The following HERC2 variants were observed in gnomAD, a reference collection of about 807,000 sequenced individuals.
HERC2 encodes the protein HECT and RLD domain containing E3 ubiquitin protein ligase 2.
HERC2 carries 102 observed loss-of-function variants against 537.7 expected under a neutral mutation model. The ratio of observed to expected loss-of-function variants is 0.19; its 90% confidence interval spans 0.16 to 0.22. The LOEUF (loss-of-function observed/expected upper bound fraction) is 0.22, where lower values mean the gene tolerates loss of function less well. Ranked by LOEUF, HERC2 falls within the 10% of genes least tolerant of loss-of-function variation. The pLI is 1.00. For missense variants in HERC2, 4,236 were observed against 6,198.2 expected (o/e 0.68, Z 10.63); for synonymous variants, 2,224 against 2,466.2 (o/e 0.90, Z 2.91).
At chr15:28,164,155 G>GAGTC (rs1253299916) in intron 68 of HERC2, among the ~76,000 whole-genome samples, 1 of 152,220 alleles carries the variant, frequency 6.6e-6, no homozygotes. Context: ...TCCCCAGGCA[G>GAGTC]AGTCTGGCTC....
At chr15:28,288,970 C>T (rs2076237267) in intron 4 of HERC2, among the ~76,000 whole-genome samples, 1 of 151,592 alleles carries the variant, frequency 6.6e-6, no homozygotes, top group Non-Finnish European at 1.5e-5. Flanking sequence ...TTCACTTGGA[C>T]ATGACACAGC....
chr15:28,118,612 T>C (rs1238738272), intron 86 of HERC2, among the ~76,000 whole-genome samples: 1 of 152,206 alleles, frequency 6.6e-6, no homozygotes, highest in African/African-American at 2.4e-5. Flanking sequence ...TTCTGGAGTC[T>C]CTGAAACTAT....
At position 28,141,419 on chromosome 15, in the gene HERC2, A is replaced by G. The variant is rs748642709; in HGVS notation, c.12015+13T>C. 1.9e-6 allele frequency: 3 copies of G among 1,613,408 alleles called. No individual in the cohort carries two copies. The highest frequency in any genetic ancestry group is 2.5e-6 in the Non-Finnish European group (3 of 1,179,374). On this transcript the variant is annotated intron_variant, in intron 78 of 92. Coordinates refer to ENST00000261609, the MANE Select transcript of HERC2 (RefSeq NM_004667.6). ...GGCTCAATGACCTTGTGACATAGAA[A>G]AAGAGCTCTTACCTTCCCATCAGCC... is the stretch of plus-strand genomic sequence containing the variant.
intron 52 of HERC2, 96 bp downstream of exon 52, chr15:28,196,119 A>T: frequency 8.2e-7 from 1 of 1,225,322 alleles, no homozygotes; most frequent in Non-Finnish European, 1.2e-6. Flanking sequence ...CTGTATACAT[A>T]GGAACCTTAA....
intron 56 of HERC2, among the ~76,000 whole-genome samples, chr15:28,183,083 G>A (rs1002709932): frequency 7.9e-5 from 12 of 152,146 alleles, no homozygotes; most frequent in Non-Finnish European, 1.8e-4. Context: ...CCAGGACACC[G>A]GCCAGAGGAA....
At chr15:28,117,943 A>G in intron 86 of HERC2, 1 of 242,622 alleles carries the variant, frequency 4.1e-6, no homozygotes, top group Non-Finnish European at 8.1e-6. Flanking sequence ...AAAAAGAAAA[A>G]TTGAAGAAAA....
At position 28,111,875 on chromosome 15, in the gene HERC2, C is replaced by T. The variant is rs1566901912; in HGVS notation, c.14393G>A (p.Arg4798His). 2.5e-6 allele frequency: 4 copies of T among 1,614,068 alleles called. No individual in the cohort carries two copies. The highest frequency in any genetic ancestry group is 1.3e-5 in the African/African-American group (1 of 74,902). The change falls in exon 93 of 93, where the codon CGC (arginine) becomes CAC (histidine). Residue 4798 changes from arginine (R) to histidine (H), a missense_variant. By Grantham distance (29) the Arg-to-His change is conservative. Transcript: ENST00000261609. ...CKSIDTDDYARIALTGEPAAD... is the reference protein window; with the variant it reads ...CKSIDTDDYAHIALTGEPAAD... ...GGCTGGCTCTCCTGTAAGTGCGATG[C>T]GAGCGTAGTCATCTGTGTCTATGGA... is the stretch of plus-strand genomic sequence containing the variant.
intron 3 of HERC2, among the ~76,000 whole-genome samples, chr15:28,295,734 CAAAAGA>C (rs1029428444): frequency 6.6e-6 from 1 of 152,122 alleles, no homozygotes; most frequent in Non-Finnish European, 1.5e-5. Flanking sequence ...GAAAAATAAT[CAAAAGA>C]AAAACAGTAT....
chr15:28,219,478 G>A (rs896484874), intron 37 of HERC2, among the ~76,000 whole-genome samples: 8 of 152,190 alleles, frequency 5.3e-5, no homozygotes, highest in South Asian at 2.1e-4. Flanking sequence ...CACCACATCC[G>A]CCCTCAGGGA....
intron 85 of HERC2, among the ~76,000 whole-genome samples, chr15:28,123,589 C>T (rs1889154729): frequency 6.6e-6 from 1 of 152,220 alleles, no homozygotes; most frequent in Admixed American, 6.5e-5. Flanking sequence ...CATTCAGGCA[C>T]GGACCTTCGA....
chr15:28,272,430 T>A lies in HERC2; in HGVS notation c.912-44A>T, dbSNP rs754252965. ...TTATTCTAGTAAAAACAGATTAACTTCTTTTCTTCACAGTTGATCAAAAAT... is the reference window on the plus strand; with the variant it reads ...TTATTCTAGTAAAAACAGATTAACTACTTTTCTTCACAGTTGATCAAAAAT... On this transcript the variant is annotated intron_variant, in intron 8 of 92. Coordinates refer to ENST00000261609, the MANE Select transcript of HERC2 (RefSeq NM_004667.6). 21 of 1,530,668 alleles carry A rather than the reference T, an allele frequency of 1.4e-5. No individual in the cohort carries two copies. The South Asian group carries it at 2.5e-4, about 18-fold the overall frequency. 94.8% of individuals were successfully genotyped at this position (1,530,668 alleles called of 1,614,324 possible).
rs1450985622 is a variant in HERC2, at chr15:28,230,460, A to T, written c.4716T>A (p.Ile1572=). The T allele has an allele frequency of 2.1e-6, 3 of 1,401,984 alleles. No homozygotes were observed. The highest frequency in any genetic ancestry group is 3.0e-6 in the Non-Finnish European group (3 of 1,004,416). 86.8% of individuals were successfully genotyped at this position (1,401,984 alleles called of 1,614,324 possible). Residue 1572 remains isoleucine (I), a synonymous_variant, in exon 31 of 93, where the codon ATT becomes ATA. Coordinates refer to ENST00000261609, the MANE Select transcript of HERC2 (RefSeq NM_004667.6). The part of the protein sequence containing the change: ...KPESTDDEEK[I]GNEESDLEEA... Reference sequence around the variant, plus strand: ...CTTCTAAATCACTCTCTTCGTTTCCAATTTTTTCTTCATCATCCGTAGATT... The same window carrying T: ...CTTCTAAATCACTCTCTTCGTTTCCTATTTTTTCTTCATCATCCGTAGATT...
chr15:28,197,834 C>T (rs907823043), intron 50 of HERC2, among the ~76,000 whole-genome samples: 5 of 152,126 alleles, frequency 3.3e-5, no homozygotes, highest in Admixed American at 1.3e-4. Context: ...TTACAGAACA[C>T]GAACATCAGG....
At chr15:28,275,998 C>T (rs1213090355) in intron 5 of HERC2, among the ~76,000 whole-genome samples, 1 of 151,436 alleles carries the variant, frequency 6.6e-6, no homozygotes, top group African/African-American at 2.4e-5. Context: ...ACCAGCCTGG[C>T]CAATATGACG....
intron 23 of HERC2, among the ~76,000 whole-genome samples, chr15:28,242,570 T>C (rs1182024722): frequency 6.6e-6 from 1 of 152,076 alleles, no homozygotes; most frequent in Non-Finnish European, 1.5e-5. Context: ...TTGCAGGGCA[T>C]TACAAGAAAA....
At position 28,245,911 on chromosome 15, in the gene HERC2, G is replaced by C. The variant is rs1903665725; in HGVS notation, c.3547C>G (p.His1183Asp). 6.2e-7 allele frequency: 1 copy of C among 1,614,048 alleles called. No homozygotes were observed. The highest frequency in any genetic ancestry group is 8.5e-7 in the Non-Finnish European group (1 of 1,180,016). ...HLAPGKERDD[H>D]EELAWPGIME... The stretch of plus-strand genomic sequence containing the variant: ...ATGCCAGGCCAGGCTAACTCTTCAT[G>C]ATCATCCCGTTCCTTTCCTGGTGCC... Residue 1183 changes from histidine (H) to aspartate (D), a missense_variant, in exon 23 of 93, where the codon CAT becomes GAT. His to Asp is a moderately conservative substitution (Grantham distance 81). Coordinates refer to ENST00000261609, the MANE Select transcript of HERC2 (RefSeq NM_004667.6).
Position 28,281,091 on chromosome 15 carries a change from T to C in HERC2, c.323-804A>G, listed in dbSNP as rs116613720. Among the ~76,000 whole-genome samples the C allele has an allele frequency of 2.1e-3, 315 of 152,284 alleles. 2 individuals are homozygous for C. Among genetic ancestry groups the C allele is most frequent in the African/African-American group, 7.5e-3 (310 of 41,548 alleles). On this transcript the variant is annotated intron_variant, in intron 4 of 92. Transcript: ENST00000261609. Reference sequence around the variant, plus strand: ...ATGCATGACTCATGAAGCACATTTATGGACATATTTTAGAGGAAGATAAAG... The same window carrying C: ...ATGCATGACTCATGAAGCACATTTACGGACATATTTTAGAGGAAGATAAAG...
intron 44 of HERC2, among the ~76,000 whole-genome samples, chr15:28,208,398 C>T (rs1159278648): frequency 6.6e-6 from 1 of 152,090 alleles, no homozygotes; most frequent in African/African-American, 2.4e-5. Flanking sequence ...CTTCCTTCCA[C>T]CAGAACCTTC....
chr15:28,223,624 C>T (rs951609698), intron 35 of HERC2, among the ~76,000 whole-genome samples: 1 of 152,144 alleles, frequency 6.6e-6, no homozygotes. Flanking sequence ...GAATGTATTG[C>T]TAAGGACTTG....
Sources: gnomAD v4.1 joint callset for allele counts (sites outside exome capture counted in the v4.1 genomes callset) on GRCh38, gnomAD v4.1.1 for gene constraint, MANE v1.5 for transcripts, NCBI Gene and HGNC (gene_info 2026-07-23, HGNC 2026-07-21) for gene names.